Variants in ZNF589 observed in about 807,000 individuals in gnomAD.
ZNF589 encodes KRAB-zinc finger protein SZF1-1.
In ZNF589, 17 loss-of-function variants were observed where a neutral mutation model predicts 13.6. That is an observed-to-expected ratio of 1.25 (90% CI 0.86 to 1.88). The LOEUF is 1.88. ZNF589 is among the 40% of genes most tolerant of loss of function. The pLI is 0.00. For synonymous variants in ZNF589, 148 were observed against 161.6 expected, an observed-to-expected ratio of 0.92 and a Z score of 0.64; for missense variants, 407 against 434.0, an observed-to-expected ratio of 0.94 and a Z score of 0.55.
chr3:48,270,905 A>ATGC lies in ZNF589; in HGVS notation c.*2121_*2122insCTG. The ATGC allele has an allele frequency of 5.1e-6, 1 of 196,468 alleles. No homozygotes were observed. The highest frequency in any genetic ancestry group is 1.0e-5 in the Non-Finnish European group (1 of 97,802). The allele number at this position is 196,468 out of a possible 1,614,324, so 12.2% of individuals were successfully genotyped here. A position where few individuals can be genotyped will look rare whatever the true frequency, so the allele number is the denominator to read the frequency against. On this transcript the variant is annotated 3_prime_UTR_variant, in exon 4 of 4. Coordinates refer to ENST00000354698, the MANE Select transcript of ZNF589 (RefSeq NM_016089.3). The stretch of plus-strand genomic sequence containing the variant: ...CCCCCATGCCTGGCCTACCACCCTA[A>ATGC]TGTGTCTGGAATTGGTGGGTTCTTG...
intron 3 of ZNF589, among the ~76,000 whole-genome samples, chr3:48,267,642 G>A (rs1456930861): frequency 2.0e-5 from 3 of 152,128 alleles, no homozygotes; most frequent in African/African-American, 7.2e-5. Context: ...TGATCTGCCC[G>A]CCTCCGCCTC....
In ZNF589 at chr3:48,251,650, C is replaced by T. The variant is rs1047385409; in HGVS notation, c.96+3973C>T. On this transcript the variant is annotated intron_variant, in intron 2 of 3. Transcript: ENST00000354698. ...TGGTGTGGTATGAGATAGGGATTGG[C>T]GTTCTTTATTTTTAAATTTGGGCGT... Among the ~76,000 whole-genome samples the T allele has an allele frequency of 4.0e-5, 6 of 151,450 alleles. No homozygotes were observed. In the East Asian group the frequency reaches 5.8e-4, roughly 15 times the overall value.
At chr3:48,244,323 T>C (rs1373034664) in intron 1 of ZNF589, among the ~76,000 whole-genome samples, 2 of 152,186 alleles carry the variant, frequency 1.3e-5, no homozygotes, top group Non-Finnish European at 2.9e-5. Context: ...CTTCTAAAAC[T>C]TTAGAACTTG....
chr3:48,261,081 T>C, intron 3 of ZNF589, 142 bp downstream of exon 3: 1 of 898,310 alleles, frequency 1.1e-6, no homozygotes, highest in Non-Finnish European at 1.7e-6. Flanking sequence ...GCTTATATTC[T>C]AGTATAGGTA....
chr3:48,250,306 C>CTTTTTTTT (rs34016179), intron 2 of ZNF589, among the ~76,000 whole-genome samples: 2 of 116,860 alleles, frequency 1.7e-5, no homozygotes, highest in African/African-American at 3.2e-5. Context: ...TCTCTACTTT[C>CTTTTTTTT]TTTTTTTTTT....
intron 1 of ZNF589, among the ~76,000 whole-genome samples, chr3:48,246,150 C>T (rs562172697): frequency 2.9e-4 from 44 of 152,078 alleles, no homozygotes; most frequent in African/African-American, 7.7e-4. Flanking sequence ...CCCATCTCTA[C>T]AAAAAATACA....
Position 48,245,050 on chromosome 3 carries a change from C to T in ZNF589, c.44-2575C>T, listed in dbSNP as rs149426140. 5.4e-3 allele frequency among the ~76,000 whole-genome samples: 819 copies of T among 152,010 alleles called. 1 individual carries two copies. The highest frequency in any genetic ancestry group is 8.5e-3 in the Non-Finnish European group (580 of 67,946). The stretch of plus-strand genomic sequence containing the variant: ...GGCTGGTCTCGAACTACTTACCGCC[C>T]ACCTTGGCCTCCCGAAGTGCTGGGA... On this transcript the variant is annotated intron_variant, in intron 1 of 3. Coordinates refer to ENST00000354698, the MANE Select transcript of ZNF589 (RefSeq NM_016089.3).
chr3:48,264,457 T>C (rs1022512697), intron 3 of ZNF589, among the ~76,000 whole-genome samples: 1 of 151,036 alleles, frequency 6.6e-6, no homozygotes, highest in Non-Finnish European at 1.5e-5. Context: ...CACTTGAACT[T>C]GGGAGGCGGA....
intron 3 of ZNF589, among the ~76,000 whole-genome samples, chr3:48,263,256 C>T (rs1263828126): frequency 2.6e-5 from 4 of 151,994 alleles, no homozygotes; most frequent in African/African-American, 7.3e-5. Flanking sequence ...ATTACAGGCA[C>T]GTGCCACCAC....
In ZNF589 at chr3:48,268,388, C is replaced by T. The variant is rs976476431; in HGVS notation, c.697C>T (p.Gln233Ter). The part of the protein sequence containing the change: ...AFNQKSNLFR[Q>*]KAVTAEKSSD... ...TAACCAGAAGTCAAACCTGTTCAGA[C>T]AGAAGGCAGTCACAGCAGAAAAATC... is the stretch of plus-strand genomic sequence containing the variant. The change falls in exon 4 of 4, where the codon CAG (glutamine) becomes TAG (stop). Residue 233 changes from glutamine to a stop codon, truncating the protein, a stop_gained. Transcript: ENST00000354698. LOFTEE classifies it low-confidence loss of function (END_TRUNC). The T allele has an allele frequency of 6.2e-7, 1 of 1,614,210 alleles. No homozygotes were observed. Among genetic ancestry groups the T allele is most frequent in the Middle Eastern group, 1.6e-4 (1 of 6,062 alleles).
intron 2 of ZNF589, among the ~76,000 whole-genome samples, chr3:48,253,504 T>C (rs1019332218): frequency 5.6e-4 from 83 of 147,316 alleles, no homozygotes; most frequent in Non-Finnish European, 1.1e-3. Flanking sequence ...TTTTCTTTTT[T>C]TTTTTTTTTT....
At chr3:48,250,400 T>C (rs1386249438) in intron 2 of ZNF589, among the ~76,000 whole-genome samples, 1 of 146,488 alleles carries the variant, frequency 6.8e-6, no homozygotes, top group African/African-American at 2.5e-5. Flanking sequence ...AGTCCTCCCC[T>C]CTTGGACTCT....
At chr3:48,247,480 A>G (rs557873167) in intron 1 of ZNF589, 145 bp from the exon 2 acceptor site, 10 of 686,202 alleles carry the variant, frequency 1.5e-5, no homozygotes, top group African/African-American at 7.1e-5. Context: ...TGACTCAAGC[A>G]TAAGGCAGGA....
At chr3:48,247,600 C>G in intron 1 of ZNF589, 25 bp from the exon 2 acceptor site, 1 of 1,610,898 alleles carries the variant, frequency 6.2e-7, no homozygotes, top group Non-Finnish European at 8.5e-7. Flanking sequence ...GCTGGCTTCT[C>G]AAGGTTGCTT....
chr3:48,262,058 C>G (rs2033973124), intron 3 of ZNF589, among the ~76,000 whole-genome samples: 1 of 152,170 alleles, frequency 6.6e-6, no homozygotes, highest in African/African-American at 2.4e-5. Context: ...TGTTTTCATC[C>G]TTGATCCATC....
chr3:48,268,324 G>A lies in ZNF589; in HGVS notation c.633G>A (p.Gly211=). ...TTTCCAAGAGGGCAGAAACCCCAGGGTTTGGAGCAGTCACGTTTGGGGAGT... is the reference window on the plus strand; with the variant it reads ...TTTCCAAGAGGGCAGAAACCCCAGGATTTGGAGCAGTCACGTTTGGGGAGT... ...DRISKRAETP[G]FGAVTFGECA... is the part of the protein sequence containing the mutation. The change falls in exon 4 of 4, where the codon GGG becomes GGA. Residue 211 remains glycine, a synonymous_variant. Coordinates refer to ENST00000354698, the MANE Select transcript of ZNF589 (RefSeq NM_016089.3). 1.9e-6 allele frequency: 3 copies of A among 1,614,172 alleles called. No homozygotes were observed. The highest frequency in any genetic ancestry group is 1.6e-4 in the Middle Eastern group (1 of 6,062).
At chr3:48,253,625 G>A (rs1188381459) in intron 2 of ZNF589, among the ~76,000 whole-genome samples, 1 of 150,066 alleles carries the variant, frequency 6.7e-6, no homozygotes, top group Non-Finnish European at 1.5e-5. Context: ...TCAGCCTCCC[G>A]AGTAGCTGGG....
intron 3 of ZNF589, among the ~76,000 whole-genome samples, chr3:48,266,809 C>T (rs906062068): frequency 6.6e-6 from 1 of 152,198 alleles, no homozygotes; most frequent in Non-Finnish European, 1.5e-5. Context: ...TCCAAGTAGG[C>T]ATCCAGACAT....
chr3:48,243,037 C>T (rs1198919055), intron 1 of ZNF589, among the ~76,000 whole-genome samples: 2 of 151,364 alleles, frequency 1.3e-5, no homozygotes, highest in Admixed American at 6.6e-5. Context: ...CGCATGACTG[C>T]ACTCCAGCTT....
Sources: gnomAD v4.1 joint callset for allele counts (sites outside exome capture counted in the v4.1 genomes callset) on GRCh38, gnomAD v4.1.1 for gene constraint, MANE v1.5 for transcripts, NCBI Gene and HGNC (gene_info 2026-07-23, HGNC 2026-07-21) for gene names.